IGF2BP3: variants seen among roughly 807,000 people sequenced by gnomAD.
IGF2BP3 encodes insulin like growth factor 2 mRNA binding protein 3, also known as insulin-like growth factor 2 mRNA-binding protein 3.
Under a neutral mutation model 73.8 loss-of-function variants are expected in IGF2BP3, and 9 were observed. The observed-to-expected ratio is 0.12, with a 90% CI of 0.07 to 0.21. IGF2BP3 has a LOEUF of 0.21. Ranked by LOEUF, IGF2BP3 falls within the 10% of genes least tolerant of loss-of-function variation. The probability of loss-of-function intolerance (pLI) is 1.00; values close to 1 mark genes in which losing one functional copy is unlikely to be tolerated. For synonymous variants in IGF2BP3, 258 were observed against 256.7 expected (o/e 1.01, Z -0.05); for missense variants, 542 against 714.0 (o/e 0.76, Z 2.75).
At position 23,345,930 on chromosome 7, in the gene IGF2BP3, G is replaced by A. The variant is rs747903805; in HGVS notation, c.941+10C>T. 154 of 1,610,242 alleles carry A rather than the reference G, an allele frequency of 9.6e-5. No individual in the cohort carries two copies. Among genetic ancestry groups the A allele is most frequent in the South Asian group, 4.1e-4 (37 of 90,784 alleles). On this transcript the variant is annotated intron_variant, in intron 8 of 14. Transcript: ENST00000258729. ...AAAGTTTTCTTATTCAAAAGCAAAG[G>A]AGCACTCACGGAGATATCGTGATTT...
chr7:23,330,364 T>C (rs1026515229), intron 10 of IGF2BP3, among the ~76,000 whole-genome samples: 1 of 149,968 alleles, frequency 6.7e-6, no homozygotes, highest in Non-Finnish European at 1.5e-5. Context: ...TATATTTCTC[T>C]AGAGCTGTCA....
At chr7:23,322,945 C>T (rs532120926) in intron 10 of IGF2BP3, among the ~76,000 whole-genome samples, 17 of 152,216 alleles carry the variant, frequency 1.1e-4, no homozygotes, top group South Asian at 8.3e-4. Flanking sequence ...AAGGAACAAC[C>T]GGTACCAGCC....
chr7:23,343,704 A>G lies in IGF2BP3; in HGVS notation c.1077+14T>C, dbSNP rs1784766308. 2 of 1,604,842 alleles carry G rather than the reference A, an allele frequency of 1.2e-6. No homozygotes were observed. The highest frequency in any genetic ancestry group is 2.2e-5 in the East Asian group (1 of 44,844). On this transcript the variant is annotated intron_variant, in intron 9 of 14. Coordinates refer to ENST00000258729, the MANE Select transcript of IGF2BP3 (RefSeq NM_006547.3). ...TTGTTAAAATAAAGACATGCCCTTC[A>G]TAACAAAACTAACATTCATAGAAGC... is the stretch of plus-strand genomic sequence containing the variant.
chr7:23,439,237 CAAAATAA>C (rs1787873210), intron 2 of IGF2BP3, among the ~76,000 whole-genome samples: 1 of 151,622 alleles, frequency 6.6e-6, no homozygotes, highest in South Asian at 2.1e-4. Context: ...GACCTTGCCT[CAAAATAA>C]AAAATAAAAT....
chr7:23,312,473 A>G lies in IGF2BP3; in HGVS notation c.1642-13T>C. Reference sequence around the variant, plus strand: ...TTCTCTGGGCAACCTAGAAAAGGACAGAGCTTTGAAATTCCACTTGATCAA... The same window carrying G: ...TTCTCTGGGCAACCTAGAAAAGGACGGAGCTTTGAAATTCCACTTGATCAA... On this transcript the variant is annotated splice_polypyrimidine_tract_variant and intron_variant, in intron 14 of 14. Coordinates refer to ENST00000258729, the MANE Select transcript of IGF2BP3 (RefSeq NM_006547.3). 3 of 1,575,998 alleles carry G rather than the reference A, an allele frequency of 1.9e-6. No individual in the cohort carries two copies. The highest frequency in any genetic ancestry group is 2.6e-6 in the Non-Finnish European group (3 of 1,145,330).
chr7:23,396,545 C>G (rs1275262739), intron 3 of IGF2BP3: 2 of 159,774 alleles, frequency 1.3e-5, no homozygotes, highest in African/African-American at 2.4e-5. Context: ...ATAATGCAAG[C>G]CTACATGTTA....
chr7:23,349,825 C>G lies in IGF2BP3; in HGVS notation c.683+1480G>C, dbSNP rs116069640. ...TCATCTGACAGGGAAATGAGTAGCTCGAAAAGGAACAATTCTAATCTGCTA... is the reference window on the plus strand; with the variant it reads ...TCATCTGACAGGGAAATGAGTAGCTGGAAAAGGAACAATTCTAATCTGCTA... On this transcript the variant is annotated intron_variant, in intron 6 of 14. Coordinates refer to ENST00000258729, the MANE Select transcript of IGF2BP3 (RefSeq NM_006547.3). Among the ~76,000 whole-genome samples, 501 of 152,008 alleles carry G rather than the reference C, an allele frequency of 3.3e-3. 3 individuals are homozygous for G. Among genetic ancestry groups the G allele is most frequent in the African/African-American group, 0.012 (484 of 41,424 alleles).
chr7:23,322,439 G>A lies in IGF2BP3; in HGVS notation c.1204-3185C>T, dbSNP rs1316612265. 1.2e-4 allele frequency among the ~76,000 whole-genome samples: 19 copies of A among 152,304 alleles called. No homozygotes were observed. The East Asian group carries it at 1.9e-3, about 15-fold the overall frequency. On this transcript the variant is annotated intron_variant, in intron 10 of 14. Transcript: ENST00000258729. ...GACTATGTGAAAAGACCAAATCTAC[G>A]TCTGACTGGTGTACCTGAAAGTGAC...
intron 2 of IGF2BP3, among the ~76,000 whole-genome samples, chr7:23,439,274 C>A (rs966082375): frequency 6.6e-6 from 1 of 151,788 alleles, no homozygotes; most frequent in East Asian, 1.9e-4. Flanking sequence ...CATGTTTGGC[C>A]GGGCACGGTG....
chr7:23,454,782 T>G (rs538619634), intron 2 of IGF2BP3, among the ~76,000 whole-genome samples: 3 of 152,172 alleles, frequency 2.0e-5, no homozygotes, highest in Non-Finnish European at 4.4e-5. Flanking sequence ...CACACAGAAG[T>G]GTCTATCACA....
At chr7:23,464,662 C>G (rs1788522805) in intron 2 of IGF2BP3, among the ~76,000 whole-genome samples, 1 of 149,796 alleles carries the variant, frequency 6.7e-6, no homozygotes, top group African/African-American at 2.5e-5. Context: ...CCAGCCTGGG[C>G]AACAGAGAGA....
At chr7:23,448,320 G>A (rs1391491059) in intron 2 of IGF2BP3, among the ~76,000 whole-genome samples, 1 of 152,210 alleles carries the variant, frequency 6.6e-6, no homozygotes, top group African/African-American at 2.4e-5. Flanking sequence ...TAAGTGTATC[G>A]ATAGATGCCC....
At chr7:23,364,099 G>A (rs758158263) in intron 3 of IGF2BP3, among the ~76,000 whole-genome samples, 3 of 152,138 alleles carry the variant, frequency 2.0e-5, no homozygotes, top group Non-Finnish European at 4.4e-5. Flanking sequence ...ATATTCGCAG[G>A]GCGCGGTGGC....
chr7:23,350,848 G>T (rs274054), intron 6 of IGF2BP3, among the ~76,000 whole-genome samples: 1 of 152,076 alleles, frequency 6.6e-6, no homozygotes, highest in African/African-American at 2.4e-5. Flanking sequence ...GGCTTAATCA[G>T]AGGAAAAATT....
intron 2 of IGF2BP3, among the ~76,000 whole-genome samples, chr7:23,461,779 GA>G (rs1232956296): frequency 6.6e-6 from 1 of 152,160 alleles, no homozygotes; most frequent in Non-Finnish European, 1.5e-5. Context: ...ATTTGTGGAA[GA>G]TGACATACAA....
At chr7:23,466,859 T>G (rs1641547445) in intron 2 of IGF2BP3, among the ~76,000 whole-genome samples, 1 of 152,226 alleles carries the variant, frequency 6.6e-6, no homozygotes, top group East Asian at 1.9e-4. Context: ...ATTTAGAAAC[T>G]CTCTCAAATG....
chr7:23,398,781 T>C (rs1786564100), intron 3 of IGF2BP3, among the ~76,000 whole-genome samples: 1 of 152,336 alleles, frequency 6.6e-6, no homozygotes, highest in East Asian at 1.9e-4. Context: ...GTAAATTTGT[T>C]TGAGTTCATT....
chr7:23,363,255 G>A (rs1785277978), intron 3 of IGF2BP3, among the ~76,000 whole-genome samples: 1 of 152,016 alleles, frequency 6.6e-6, no homozygotes, highest in South Asian at 2.1e-4. Context: ...GTGAGCTTCT[G>A]TTTTTAGTTT....
chr7:23,392,818 A>G (rs1446642599), intron 3 of IGF2BP3, among the ~76,000 whole-genome samples: 1 of 151,902 alleles, frequency 6.6e-6, no homozygotes, highest in Non-Finnish European at 1.5e-5. Context: ...TTTTTAAGAG[A>G]TGGGGTTTTA....
Sources: gnomAD v4.1 joint callset for allele counts (sites outside exome capture counted in the v4.1 genomes callset) on GRCh38, gnomAD v4.1.1 for gene constraint, MANE v1.5 for transcripts, NCBI Gene and HGNC (gene_info 2026-07-23, HGNC 2026-07-21) for gene names.